Variants in KCNQ3 observed in about 807,000 individuals in gnomAD.
KCNQ3 encodes the protein potassium voltage-gated channel subfamily KQT member 3.
Under a neutral mutation model 92.5 loss-of-function variants are expected in KCNQ3, and 30 were observed. That is an observed-to-expected ratio of 0.32 (90% CI 0.24 to 0.44). KCNQ3 has a LOEUF of 0.44. Ranked by LOEUF, KCNQ3 falls within the 20% of genes least tolerant of loss-of-function variation. The pLI is 1.00. For missense variants in KCNQ3, 913 were observed against 1,140.3 expected (o/e 0.80, Z 2.87); for synonymous variants, 450 against 468.8 (o/e 0.96, Z 0.52).
At chr8:132,400,848 C>T (rs1024093404) in intron 1 of KCNQ3, among the ~76,000 whole-genome samples, 13 of 152,226 alleles carry the variant, frequency 8.5e-5, no homozygotes, top group Admixed American at 2.6e-4. Context: ...CTCCTGCTTA[C>T]GCTGTCTCAC....
chr8:132,209,200 A>G lies in KCNQ3; in HGVS notation c.387-23019T>C, dbSNP rs541817459. ...TTCTCTGAGGATAATGGGTGGTCAGACTTCCCATTCACTAGCCTCTGCCTG... is the reference window on the plus strand; with the variant it reads ...TTCTCTGAGGATAATGGGTGGTCAGGCTTCCCATTCACTAGCCTCTGCCTG... On this transcript the variant is annotated intron_variant, in intron 1 of 14. Transcript: ENST00000388996. Among the ~76,000 whole-genome samples the G allele has an allele frequency of 7.2e-5, 11 of 152,228 alleles. No individual in the cohort carries two copies. The South Asian group carries it at 2.3e-3, about 32-fold the overall frequency.
chr8:132,270,797 C>A (rs7845505), intron 1 of KCNQ3, among the ~76,000 whole-genome samples: 4,736 of 152,200 alleles, frequency 0.031, 275 homozygotes, highest in African/African-American at 0.11. Flanking sequence ...TTAGACTGCA[C>A]CGTTTTGATT....
intron 1 of KCNQ3, among the ~76,000 whole-genome samples, chr8:132,276,491 A>C (rs964250839): frequency 2.0e-5 from 3 of 152,132 alleles, no homozygotes; most frequent in Admixed American, 1.3e-4. Context: ...CTTTCTGCTT[A>C]GACATTCAGT....
chr8:132,446,897 A>T (rs965938711), intron 1 of KCNQ3, among the ~76,000 whole-genome samples: 1 of 152,252 alleles, frequency 6.6e-6, no homozygotes, highest in Admixed American at 6.5e-5. Flanking sequence ...GACGAATTTA[A>T]AGCCAGAAGC....
rs1215840439 is a variant in KCNQ3, at chr8:132,126,303, C to G, written c.*2959G>C. The G allele has an allele frequency of 6.6e-6, 1 of 152,130 alleles. No homozygotes were observed. The highest frequency in any genetic ancestry group is 1.9e-4 in the East Asian group (1 of 5,174). The allele number at this position is 152,130 out of a possible 1,614,324, so 9.4% of individuals were successfully genotyped here. A position where few individuals can be genotyped will look rare whatever the true frequency, so the allele number is the denominator to read the frequency against. On this transcript the variant is annotated 3_prime_UTR_variant, in exon 15 of 15. Coordinates refer to ENST00000388996, the MANE Select transcript of KCNQ3 (RefSeq NM_004519.4). ...ATTATCATGCTGTTCCCTTGTCTGA[C>G]AAAAGGATCTTTGTGAAAGCACACA...
intron 1 of KCNQ3, among the ~76,000 whole-genome samples, chr8:132,478,984 G>A (rs984534131): frequency 6.6e-6 from 1 of 151,858 alleles, no homozygotes; most frequent in Non-Finnish European, 1.5e-5. Context: ...GAGGGGGGAG[G>A]GGGGGTTGCC....
At chr8:132,228,442 T>C (rs1257868118) in intron 1 of KCNQ3, among the ~76,000 whole-genome samples, 1 of 152,114 alleles carries the variant, frequency 6.6e-6, no homozygotes, top group Non-Finnish European at 1.5e-5. Context: ...CAATACCTAA[T>C]TGCGAAAGAA....
chr8:132,349,428 A>G (rs974134725), intron 1 of KCNQ3, among the ~76,000 whole-genome samples: 1 of 152,266 alleles, frequency 6.6e-6, no homozygotes, highest in African/African-American at 2.4e-5. Context: ...GAACAGAAAG[A>G]GAAGAGAGAA....
chr8:132,277,315 C>T (rs1474362039), intron 1 of KCNQ3, among the ~76,000 whole-genome samples: 2 of 152,204 alleles, frequency 1.3e-5, no homozygotes, highest in African/African-American at 2.4e-5. Flanking sequence ...CAAATCCAGT[C>T]CTCTTTCCAC....
chr8:132,423,301 C>T (rs1821020956), intron 1 of KCNQ3, among the ~76,000 whole-genome samples: 1 of 152,188 alleles, frequency 6.6e-6, no homozygotes, highest in South Asian at 2.1e-4. Context: ...ATTGGTGTTC[C>T]AGGACTTTAA....
intron 1 of KCNQ3, among the ~76,000 whole-genome samples, chr8:132,438,674 C>T (rs543427187): frequency 6.6e-6 from 1 of 151,912 alleles, no homozygotes; most frequent in Non-Finnish European, 1.5e-5. Context: ...TTCTCTGTGG[C>T]GCTCATGGAG....
intron 1 of KCNQ3, among the ~76,000 whole-genome samples, chr8:132,301,823 G>A (rs917887864): frequency 3.9e-5 from 6 of 152,176 alleles, no homozygotes; most frequent in African/African-American, 1.4e-4. Flanking sequence ...TGCACTTGGA[G>A]AGAGGTGTCC....
At chr8:132,412,913 C>T (rs753542376) in intron 1 of KCNQ3, among the ~76,000 whole-genome samples, 1 of 152,162 alleles carries the variant, frequency 6.6e-6, no homozygotes, top group African/African-American at 2.4e-5. Flanking sequence ...AGCAAGTGAC[C>T]GGGGAGGCAG....
chr8:132,414,671 C>T (rs564832725), intron 1 of KCNQ3, among the ~76,000 whole-genome samples: 4 of 152,220 alleles, frequency 2.6e-5, no homozygotes, highest in East Asian at 1.9e-4. Context: ...CATGGACTGA[C>T]GGTGGGAAAG....
At position 132,315,289 on chromosome 8, in the gene KCNQ3, A is replaced by G. The variant is rs75282957; in HGVS notation, c.387-129108T>C. On this transcript the variant is annotated intron_variant, in intron 1 of 14. Coordinates refer to ENST00000388996, the MANE Select transcript of KCNQ3 (RefSeq NM_004519.4). ...GAAGTAGACTAATGGCAAACTGGTAAAAGTGGAGTGTGAGAAAAAAGGTGA... is the reference window on the plus strand; with the variant it reads ...GAAGTAGACTAATGGCAAACTGGTAGAAGTGGAGTGTGAGAAAAAAGGTGA... Among the ~76,000 whole-genome samples the G allele has an allele frequency of 7.9e-5, 12 of 152,218 alleles. No individual in the cohort carries two copies. In the East Asian group the frequency reaches 2.1e-3, roughly 27 times the overall value.
chr8:132,180,017 C>T, intron 4 of KCNQ3, 140 bp downstream of exon 4: 1 of 980,964 alleles, frequency 1.0e-6, no homozygotes, highest in Non-Finnish European at 1.6e-6. Flanking sequence ...TGTTTCTCCT[C>T]CTCCTCTTCC....
chr8:132,302,211 C>G (rs1362061282), intron 1 of KCNQ3, among the ~76,000 whole-genome samples: 1 of 152,178 alleles, frequency 6.6e-6, no homozygotes, highest in Non-Finnish European at 1.5e-5. Flanking sequence ...GGCAATGAAG[C>G]TGGAGCAGAT....
chr8:132,321,019 G>T (rs1467802882), intron 1 of KCNQ3, among the ~76,000 whole-genome samples: 1 of 152,198 alleles, frequency 6.6e-6, no homozygotes, highest in Non-Finnish European at 1.5e-5. Context: ...ATATTCAAAT[G>T]GTCTAAGACA....
intron 1 of KCNQ3, among the ~76,000 whole-genome samples, chr8:132,430,929 G>T (rs997883906): frequency 3.3e-5 from 5 of 152,092 alleles, no homozygotes; most frequent in South Asian, 2.1e-4. Context: ...TTCCTCAAGC[G>T]TCCATATCCT....
Sources: allele counts gnomAD v4.1 joint callset (sites outside exome capture counted in the v4.1 genomes callset), GRCh38; gene constraint gnomAD v4.1.1; transcripts MANE v1.5; gene names NCBI Gene and HGNC (gene_info 2026-07-23, HGNC 2026-07-21).